The following CNOT4 variants were observed in gnomAD, a reference collection of about 807,000 sequenced individuals.
The protein encoded by CNOT4 is CCR4-NOT transcription complex subunit 4.
In CNOT4, 8 loss-of-function variants were observed where a neutral mutation model predicts 73.8. That is an observed-to-expected ratio of 0.11 (90% CI 0.06 to 0.20). The LOEUF (loss-of-function observed/expected upper bound fraction) is 0.20. Ranked by LOEUF, CNOT4 falls within the 10% of genes least tolerant of loss-of-function variation. The pLI is 1.00. For synonymous variants in CNOT4, 293 were observed against 321.1 expected, an observed-to-expected ratio of 0.91 and a Z score of 0.94; for missense variants, 564 against 883.4, an observed-to-expected ratio of 0.64 and a Z score of 4.58.
chr7:135,387,526 TTTTGTA>T (rs1796183135), intron 10 of CNOT4: 1 of 974,072 alleles, frequency 1.0e-6, no homozygotes, highest in Admixed American at 6.2e-5. Flanking sequence ...TAGGCTTCTT[TTTTGTA>T]TTCACATTAT....
chr7:135,409,821 A>G (rs1272242646), intron 7 of CNOT4, among the ~76,000 whole-genome samples: 1 of 152,184 alleles, frequency 6.6e-6, no homozygotes, highest in African/African-American at 2.4e-5. Flanking sequence ...GGATAGAATA[A>G]AATTCCCAAA....
intron 10 of CNOT4, among the ~76,000 whole-genome samples, chr7:135,390,272 T>A (rs1213179488): frequency 6.6e-6 from 1 of 152,160 alleles, no homozygotes; most frequent in African/African-American, 2.4e-5. Context: ...ATTTGAGATC[T>A]AAGTTCTTAC....
chr7:135,464,616 A>G (rs1346640219), intron 1 of CNOT4, among the ~76,000 whole-genome samples: 1 of 152,076 alleles, frequency 6.6e-6, no homozygotes, highest in Non-Finnish European at 1.5e-5. Context: ...GGGTGATGTG[A>G]CATGTGTTTA....
chr7:135,383,589 A>G (rs1289841166), intron 10 of CNOT4, among the ~76,000 whole-genome samples: 1 of 152,194 alleles, frequency 6.6e-6, no homozygotes. Context: ...TCTCTCTCAC[A>G]TAGTTTGACT....
At chr7:135,468,914 T>C (rs1459073049) in intron 1 of CNOT4, among the ~76,000 whole-genome samples, 1 of 152,108 alleles carries the variant, frequency 6.6e-6, no homozygotes, top group Non-Finnish European at 1.5e-5. Context: ...GAAGAGGATA[T>C]GGGACCAAGG....
At chr7:135,509,752 A>T in intron 1 of CNOT4, 137 bp downstream of exon 1, 1 of 308,554 alleles carries the variant, frequency 3.2e-6, no homozygotes, top group East Asian at 5.3e-5. Context: ...GAAGAAGACC[A>T]AGGAGGAGGA....
In CNOT4 at chr7:135,362,023, AGT is replaced by A. The variant is rs1794673661; in HGVS notation, c.*860_*861del. 1 of 152,750 alleles carries A rather than the reference AGT, an allele frequency of 6.5e-6. No homozygotes were observed. The highest frequency in any genetic ancestry group is 1.9e-4 in the East Asian group (1 of 5,210). 9.5% of individuals were successfully genotyped at this position (152,750 alleles called of 1,614,324 possible). A position where few individuals can be genotyped will look rare whatever the true frequency, so the allele number is the denominator to read the frequency against. On this transcript the variant is annotated 3_prime_UTR_variant, in exon 12 of 12. Coordinates refer to ENST00000541284, the MANE Select transcript of CNOT4 (RefSeq NM_001190850.2). Reference sequence around the variant, plus strand: ...GATGGTGATCAGATGGCCCCAGAGCAGTGCTATCTCAGAGTGCCCTCGTCAGG... The same window carrying A: ...GATGGTGATCAGATGGCCCCAGAGCAGCTATCTCAGAGTGCCCTCGTCAGG...
rs758220689 is a variant in CNOT4, at chr7:135,438,343, T to C, written c.-12A>G. On this transcript the variant is annotated 5_prime_UTR_variant, in exon 2 of 12. Transcript: ENST00000541284. ...GGACTGCGAGACATCTTCACGTTTA[T>C]TAAACAGCAGCAAAAGTTTATAATA... The C allele has an allele frequency of 4.4e-6, 7 of 1,578,298 alleles. No individual in the cohort carries two copies. In the African/African-American group the frequency reaches 9.5e-5, roughly 21 times the overall value.
At chr7:135,441,628 T>G (rs537063583) in intron 1 of CNOT4, among the ~76,000 whole-genome samples, 1 of 152,174 alleles carries the variant, frequency 6.6e-6, no homozygotes, top group African/African-American at 2.4e-5. Context: ...TTCTAAGATA[T>G]CATTTCTTTA....
At chr7:135,453,465 T>C (rs1338393887) in intron 1 of CNOT4, among the ~76,000 whole-genome samples, 3 of 151,936 alleles carry the variant, frequency 2.0e-5, no homozygotes, top group African/African-American at 7.2e-5. Context: ...CAAACTTCAT[T>C]CAGGAATATC....
intron 10 of CNOT4, among the ~76,000 whole-genome samples, chr7:135,368,346 A>G (rs1795021016): frequency 1.3e-5 from 2 of 152,218 alleles, no homozygotes; most frequent in African/African-American, 2.4e-5. Flanking sequence ...TATAAAATGC[A>G]TATATTAAGA....
At chr7:135,463,249 C>T (rs1800987116) in intron 1 of CNOT4, among the ~76,000 whole-genome samples, 1 of 152,008 alleles carries the variant, frequency 6.6e-6, no homozygotes, top group South Asian at 2.1e-4. Flanking sequence ...CTATAAAAAC[C>T]CTGGAAGACC....
intron 1 of CNOT4, among the ~76,000 whole-genome samples, chr7:135,502,164 T>C (rs1433549903): frequency 6.6e-6 from 1 of 152,218 alleles, no homozygotes; most frequent in Non-Finnish European, 1.5e-5. Context: ...CTGTCGATTA[T>C]AATTATCCAG....
intron 1 of CNOT4, chr7:135,444,724 T>C (rs1174148956): frequency 7.6e-7 from 1 of 1,324,300 alleles, no homozygotes; most frequent in Admixed American, 1.7e-5. Flanking sequence ...TGCTCTGCGA[T>C]GGGCTATTCC....
intron 10 of CNOT4, among the ~76,000 whole-genome samples, chr7:135,372,602 C>G (rs1459430825): frequency 6.7e-6 from 1 of 149,028 alleles, no homozygotes; most frequent in Non-Finnish European, 1.5e-5. Context: ...CGTCGCTCAG[C>G]CTGGAGGGCA....
rs1802625207 is a variant in CNOT4 at position 135,485,009 on chromosome 7, T to C, written c.-93+24880A>G. 3.9e-5 allele frequency among the ~76,000 whole-genome samples: 6 copies of C among 152,274 alleles called. No individual in the cohort carries two copies. The South Asian group carries it at 1.0e-3, about 26-fold the overall frequency. ...GGGAAAATATAACATAGTAAAGATATCAATACTCCCCAAATTGATGTATAG... is the reference window on the plus strand; with the variant it reads ...GGGAAAATATAACATAGTAAAGATACCAATACTCCCCAAATTGATGTATAG... On this transcript the variant is annotated intron_variant, in intron 1 of 11. Coordinates refer to ENST00000541284, the MANE Select transcript of CNOT4 (RefSeq NM_001190850.2).
intron 1 of CNOT4, among the ~76,000 whole-genome samples, chr7:135,442,442 CAA>C (rs1250193252): frequency 6.6e-6 from 1 of 151,658 alleles, no homozygotes; most frequent in Non-Finnish European, 1.5e-5. Flanking sequence ...ACTAAAAATA[CAA>C]AAAAATTAGC....
chr7:135,392,098 C>A lies in CNOT4; in HGVS notation c.1627+1820G>T, dbSNP rs1221126652. Among the ~76,000 whole-genome samples the A allele has an allele frequency of 2.0e-5, 3 of 152,014 alleles. No individual in the cohort carries two copies. In the East Asian group the frequency reaches 5.8e-4, roughly 29 times the overall value. The stretch of plus-strand genomic sequence containing the variant: ...TTTCCATCAACATAAAAGGCCTTTT[C>A]TCTTCCCCTGCTGCTAACCCAAATC... On this transcript the variant is annotated intron_variant, in intron 10 of 11. Coordinates refer to ENST00000541284, the MANE Select transcript of CNOT4 (RefSeq NM_001190850.2).
At chr7:135,407,347 G>T (rs938822527) in intron 7 of CNOT4, among the ~76,000 whole-genome samples, 1 of 152,120 alleles carries the variant, frequency 6.6e-6, no homozygotes, top group Non-Finnish European at 1.5e-5. Context: ...GATACTTTTG[G>T]TAAATTCCAA....
Sources: gnomAD v4.1 joint callset for allele counts (sites outside exome capture counted in the v4.1 genomes callset) on GRCh38, gnomAD v4.1.1 for gene constraint, MANE v1.5 for transcripts, NCBI Gene and HGNC (gene_info 2026-07-23, HGNC 2026-07-21) for gene names.